The following VN1R4 variants were observed in gnomAD, a reference collection of about 807,000 sequenced individuals.
VN1R4 encodes vomeronasal 1 receptor 4, also known as vomeronasal type-1 receptor 4.
For missense variants in VN1R4, 291 were observed against 364.2 expected (o/e 0.80, Z 1.64); for synonymous variants, 97 against 138.8 (o/e 0.70, Z 2.12).
chr19:53,267,435 A>G, exon 1 of VN1R4: 1 of 1,614,204 alleles, frequency 6.2e-7, no homozygotes, highest in African/African-American at 1.3e-5. Context: ...TGCACCCAAG[A>G]GCATTGAGAA....
chr19:53,267,321 C>T (rs761973538), exon 1 of VN1R4: 2 of 1,614,132 alleles, frequency 1.2e-6, no homozygotes, highest in Non-Finnish European at 1.7e-6. Flanking sequence ...GTTTTGCCCA[C>T]CTGGATTTCC....
chr19:53,267,265 C>T (rs1476371241), exon 1 of VN1R4: 1 of 1,613,336 alleles, frequency 6.2e-7, no homozygotes, highest in Admixed American at 1.7e-5. Context: ...CACGATCCAG[C>T]ACAGGAGAAC....
exon 1 of VN1R4, chr19:53,266,980 T>C: frequency 6.2e-7 from 1 of 1,605,344 alleles, no homozygotes; most frequent in Non-Finnish European, 8.5e-7. Context: ...CGTAGCTCTG[T>C]TCTCTGGGGA....
exon 1 of VN1R4, chr19:53,266,819 A>C: frequency 6.2e-7 from 1 of 1,614,176 alleles, no homozygotes; most frequent in Non-Finnish European, 8.5e-7. Flanking sequence ...ATGAGAACAA[A>C]GGGGCTGAGA....
the VN1R4 span, chr19:53,267,028 A>AC: frequency 3.1e-6 from 5 of 1,612,188 alleles, no homozygotes; most frequent in Non-Finnish European, 1.7e-6. Flanking sequence ...AATGTGCTGG[A>AC]CCCGCTGCTT....
At chr19:53,266,764 C>T in exon 1 of VN1R4, 3 of 1,598,096 alleles carry the variant, frequency 1.9e-6, no homozygotes, top group Non-Finnish European at 2.6e-6. Flanking sequence ...ATCTTGTCAT[C>T]TTTTCCAGGC....
rs12977715 is a variant in VN1R4 at position 53,267,008 on chromosome 19, T to C, written c.658A>G (p.Asn220Asp). 365,013 of 1,384,456 alleles carry C rather than the reference T, an allele frequency of 0.26. 70,198 individuals are homozygous for C. Among genetic ancestry groups the C allele is most frequent in the East Asian group, 0.42 (17,659 of 41,668 alleles). The allele number at this position is 1,384,456 out of a possible 1,614,324, so 85.8% of individuals were successfully genotyped here. Residue 220 changes from asparagine to aspartate, a missense_variant, in exon 1 of 1, where the codon AAT becomes GAT. By Grantham distance (23) the Asn-to-Asp change is conservative. Transcript: ENST00000311170. Reference sequence around the variant, plus strand: ...TCTGGGGAGGCTCTGGGGGAGAGATTGCTCCTATCAATGTGCTGGACCCGC... The same window carrying C: ...TCTGGGGAGGCTCTGGGGGAGAGATCGCTCCTATCAATGTGCTGGACCCGC...
In VN1R4 at chr19:53,267,590, G is replaced by A. The variant is rs2091356492; in HGVS notation, c.76C>T (p.Leu26Phe). 1.9e-6 allele frequency: 3 copies of A among 1,613,864 alleles called. No homozygotes were observed. In the South Asian group the frequency reaches 3.3e-5, roughly 18 times the overall value. ...CAGTAAAAGGAGAGATAATGGAGAA[G>A]AACAGAGAAGCTCCCCAGGACTCCC... Residue 26 changes from leucine (L) to phenylalanine (F), a missense_variant, in exon 1 of 1, where the codon CTT (leucine) becomes TTT (phenylalanine). Coordinates refer to ENST00000311170, the Ensembl canonical transcript of VN1R4.
chr19:53,267,618 C>T, exon 1 of VN1R4: 1 of 1,612,678 alleles, frequency 6.2e-7, no homozygotes, highest in Non-Finnish European at 8.5e-7. Context: ...GGACTCCCAC[C>T]ACGGTCTGTG....
At chr19:53,266,944 G>T in exon 1 of VN1R4, 3 of 1,613,310 alleles carry the variant, frequency 1.9e-6, no homozygotes, top group South Asian at 2.2e-5. Context: ...AGACACAAAG[G>T]TGCTCACCAG....
chr19:53,267,480 G>A (rs748050783), exon 1 of VN1R4: 3 of 1,614,154 alleles, frequency 1.9e-6, no homozygotes, highest in Non-Finnish European at 1.7e-6. Flanking sequence ...TTGTCTGGGG[G>A]ACTCCTTTAC....
At chr19:53,266,783 AC>A in the VN1R4 span, 6 of 1,603,000 alleles carry the variant, frequency 3.7e-6, no homozygotes, top group Non-Finnish European at 4.3e-6. Flanking sequence ...GCAAAACAAA[AC>A]CTGTATACAC....
rs547166406 is a variant in VN1R4, at chr19:53,266,821, G to C, written c.845C>G (p.Pro282Arg). 6 of 1,614,128 alleles carry C rather than the reference G, an allele frequency of 3.7e-6. No individual in the cohort carries two copies. In the East Asian group the frequency reaches 1.1e-4, roughly 30 times the overall value. Residue 282 changes from proline (P) to arginine (R), a missense_variant, in exon 1 of 1, where the codon CCC becomes CGC. Physicochemically the swap from Pro to Arg is moderately radical, Grantham distance 103. Transcript: ENST00000311170. ...GGGGTCACAGCTCATGAGAACAAAG[G>C]GGCTGAGAGTTGGGAAACATACACT...
exon 1 of VN1R4, chr19:53,266,761 C>A (rs773572037): frequency 6.3e-7 from 1 of 1,596,854 alleles, no homozygotes; most frequent in Non-Finnish European, 8.5e-7. Flanking sequence ...GAGATCTTGT[C>A]ATCTTTTCCA....
exon 1 of VN1R4, chr19:53,267,480 G>T (rs748050783): frequency 1.9e-6 from 3 of 1,614,152 alleles, no homozygotes; most frequent in Admixed American, 1.7e-5. Context: ...TTGTCTGGGG[G>T]ACTCCTTTAC....
At chr19:53,266,734 G>C (rs1265335034) in exon 1 of VN1R4, 8 of 1,561,666 alleles carry the variant, frequency 5.1e-6, no homozygotes, top group Non-Finnish European at 6.9e-6. Context: ...CAATGTACAT[G>C]TTTATGATGA....
chr19:53,266,771 A>G (rs761285636), exon 1 of VN1R4: 2 of 1,601,012 alleles, frequency 1.2e-6, no homozygotes, highest in African/African-American at 2.7e-5. Flanking sequence ...CATCTTTTCC[A>G]GGCAAAACAA....
At position 53,266,841 on chromosome 19, in the gene VN1R4, T is replaced by C. The variant is rs768793242; in HGVS notation, c.825A>G (p.Val275=). Residue 275 remains valine, a synonymous_variant, in exon 1 of 1, where the codon GTA becomes GTG. Transcript: ENST00000311170. Reference sequence around the variant, plus strand: ...CAAAGGGGCTGAGAGTTGGGAAACATACACTCATTAAGGCTGAAGTGTTCA... The same window carrying C: ...CAAAGGGGCTGAGAGTTGGGAAACACACACTCATTAAGGCTGAAGTGTTCA... The C allele has an allele frequency of 3.7e-6, 6 of 1,613,988 alleles. No individual in the cohort carries two copies. In the Admixed American group the frequency reaches 1.0e-4, roughly 27 times the overall value.
chr19:53,266,721 A>G, exon 1 of VN1R4: 1 of 1,533,310 alleles, frequency 6.5e-7, no homozygotes. Flanking sequence ...GAGCAAATAT[A>G]TACAATGTAC....
Sources: allele counts gnomAD v4.1 joint callset, GRCh38; gene constraint gnomAD v4.1.1; transcripts MANE v1.5; gene names NCBI Gene and HGNC (gene_info 2026-07-23, HGNC 2026-07-21).